The following TMEM184C variants were observed in gnomAD, a reference collection of about 807,000 sequenced individuals.
The protein encoded by TMEM184C is transmembrane protein 34.
A neutral mutation model predicts 54.5 loss-of-function variants in TMEM184C; 25 were observed. The ratio of observed to expected loss-of-function variants is 0.46; its 90% CI spans 0.33 to 0.64. TMEM184C has a LOEUF of 0.64. TMEM184C is among the 30% of genes least tolerant of loss of function. The probability of loss-of-function intolerance (pLI) is 0.02; values close to 1 mark genes in which losing one functional copy is unlikely to be tolerated. For missense variants in TMEM184C, 335 were observed against 520.3 expected, an observed-to-expected ratio of 0.64 and a Z score of 3.46; for synonymous variants, 148 against 181.5, an observed-to-expected ratio of 0.82 and a Z score of 1.49.
Position 147,629,672 on chromosome 4 carries a change from A to G in TMEM184C, c.646A>G (p.Ile216Val), listed in dbSNP as rs779030666. The G allele has an allele frequency of 6.3e-6, 10 of 1,588,070 alleles. No homozygotes were observed. In the East Asian group the frequency reaches 2.3e-4, roughly 37 times the overall value. Residue 216 changes from isoleucine (I) to valine (V), a missense_variant, in exon 6 of 10, where the codon ATA becomes GTA. By Grantham distance (29) the Ile-to-Val change is conservative (BLOSUM62 3). Coordinates refer to ENST00000296582, the MANE Select transcript of TMEM184C (RefSeq NM_018241.3). ...FSNAWTYLVI[I>V]NNMSQLFAMY... is the part of the protein sequence containing the mutation. ...AAATGCTTGGACTTATTTGGTTATAATAAACAACATGTCACAGTTGGTAAG... is the reference window on the plus strand; with the variant it reads ...AAATGCTTGGACTTATTTGGTTATAGTAAACAACATGTCACAGTTGGTAAG...
intron 6 of TMEM184C, 101 bp downstream of exon 6, chr4:147,629,793 T>C (rs1732881499): frequency 3.1e-6 from 2 of 640,896 alleles, no homozygotes; most frequent in Non-Finnish European, 4.8e-6. Flanking sequence ...TGCTTCTTTT[T>C]AATCTTCCTA....
chr4:147,619,917 A>C (rs1732675397), intron 1 of TMEM184C, among the ~76,000 whole-genome samples: 1 of 152,194 alleles, frequency 6.6e-6, no homozygotes, highest in South Asian at 2.1e-4. Context: ...AGTAAAGGCC[A>C]GTATTCCTCA....
intron 1 of TMEM184C, among the ~76,000 whole-genome samples, chr4:147,623,584 G>A (rs181685895): frequency 6.7e-4 from 100 of 149,012 alleles, no homozygotes; most frequent in African/African-American, 2.4e-3. Flanking sequence ...TACTCTTCAA[G>A]GCAAGATTAC....
chr4:147,631,642 T>C, intron 7 of TMEM184C, 137 bp downstream of exon 7: 2 of 663,730 alleles, frequency 3.0e-6, no homozygotes, highest in Admixed American at 3.4e-5. Flanking sequence ...AGTTCATCTT[T>C]TTAGCCCTTC....
intron 7 of TMEM184C, among the ~76,000 whole-genome samples, chr4:147,631,777 A>G (rs542112718): frequency 6.6e-6 from 1 of 152,356 alleles, no homozygotes; most frequent in South Asian, 2.1e-4. Flanking sequence ...CTGTCATATA[A>G]TAGAATACTA....
chr4:147,631,597 A>C, intron 7 of TMEM184C, 92 bp downstream of exon 7: 1 of 868,970 alleles, frequency 1.2e-6, no homozygotes, highest in South Asian at 1.6e-5. Context: ...TTAATGCGGA[A>C]GATAGATTAA....
intron 4 of TMEM184C, among the ~76,000 whole-genome samples, chr4:147,626,450 G>A (rs920145240): frequency 1.3e-5 from 2 of 152,184 alleles, no homozygotes; most frequent in African/African-American, 4.8e-5. Context: ...AATAAATGAG[G>A]AATAAGGTGG....
At chr4:147,621,675 T>C (rs2126547385) in intron 1 of TMEM184C, among the ~76,000 whole-genome samples, 1 of 152,274 alleles carries the variant, frequency 6.6e-6, no homozygotes, top group Non-Finnish European at 1.5e-5. Flanking sequence ...AACCAATAAT[T>C]AAAATTAATG....
intron 6 of TMEM184C, among the ~76,000 whole-genome samples, chr4:147,630,159 G>A (rs1383216467): frequency 6.6e-6 from 1 of 151,964 alleles, no homozygotes; most frequent in African/African-American, 2.4e-5. Flanking sequence ...AATTGAGAAT[G>A]CCAAGTTTAA....
intron 1 of TMEM184C, among the ~76,000 whole-genome samples, chr4:147,620,737 G>C (rs1371815145): frequency 6.6e-6 from 1 of 152,184 alleles, no homozygotes; most frequent in East Asian, 1.9e-4. Context: ...TTTTTTGTTT[G>C]AACAACTGTG....
intron 4 of TMEM184C, among the ~76,000 whole-genome samples, chr4:147,625,587 A>C (rs979382144): frequency 6.6e-6 from 1 of 152,254 alleles, no homozygotes; most frequent in Non-Finnish European, 1.5e-5. Context: ...TTAATTTTGC[A>C]ATATCATAAA....
intron 7 of TMEM184C, among the ~76,000 whole-genome samples, chr4:147,632,154 C>G (rs1362288352): frequency 2.4e-5 from 3 of 125,282 alleles, no homozygotes; most frequent in Non-Finnish European, 3.2e-5. Flanking sequence ...GCCTGGGCAC[C>G]AGAGTGAAAC....
At chr4:147,627,757 TGTG>T (rs1732840387) in intron 4 of TMEM184C, among the ~76,000 whole-genome samples, 1 of 139,708 alleles carries the variant, frequency 7.2e-6, no homozygotes, top group African/African-American at 2.8e-5. Context: ...ATTAGCCAGG[TGTG>T]GTGGTATGCA....
intron 3 of TMEM184C, among the ~76,000 whole-genome samples, chr4:147,624,577 C>G (rs1732775446): frequency 2.6e-5 from 4 of 151,970 alleles, no homozygotes; most frequent in Admixed American, 2.6e-4. Context: ...CATTATTTAC[C>G]CCTCAAACAC....
At chr4:147,619,978 CCT>C (rs1732676306) in intron 1 of TMEM184C, among the ~76,000 whole-genome samples, 2 of 152,218 alleles carry the variant, frequency 1.3e-5, no homozygotes, top group Admixed American at 1.3e-4. Flanking sequence ...ACCTGATCCC[CCT>C]CTGACTTTTT....
rs1732625049 is a variant in TMEM184C, at chr4:147,617,788, C to A, written c.-169C>A. On this transcript the variant is annotated 5_prime_UTR_variant, in exon 1 of 10. Transcript: ENST00000296582. ...GCTACATTTGCAGAAGCAGCAGCAG[C>A]AGAAGACACAGCGCCGGTCCAGGAG... 5 of 834,788 alleles carry A rather than the reference C, an allele frequency of 6.0e-6. No homozygotes were observed. The highest frequency in any genetic ancestry group is 4.2e-5 in the Admixed American group (2 of 48,050). The allele number at this position is 834,788 out of a possible 1,614,324, so 51.7% of individuals were successfully genotyped here.
rs988719969 is a variant in TMEM184C, at chr4:147,636,337, A to G, written c.*1903A>G. On this transcript the variant is annotated 3_prime_UTR_variant, in exon 10 of 10. Transcript: ENST00000296582. Reference sequence around the variant, plus strand: ...AAATCCAAACATACACAGTCAACTAATTTTTGACAAAGACACCAAGAAGAC... The same window carrying G: ...AAATCCAAACATACACAGTCAACTAGTTTTTGACAAAGACACCAAGAAGAC... The G allele has an allele frequency of 2.6e-5, 4 of 152,150 alleles. No homozygotes were observed. Among genetic ancestry groups the G allele is most frequent in the East Asian group, 1.9e-4 (1 of 5,198 alleles). 9.4% of individuals were successfully genotyped at this position (152,150 alleles called of 1,614,324 possible). A position where few individuals can be genotyped will look rare whatever the true frequency, so the allele number is the denominator to read the frequency against.
At chr4:147,634,032 G>A in intron 9 of TMEM184C, 96 bp downstream of exon 9, 1 of 1,521,254 alleles carries the variant, frequency 6.6e-7, no homozygotes, top group Non-Finnish European at 8.8e-7. Context: ...GATGAAAAAA[G>A]ACTTTAAAGC....
intron 7 of TMEM184C, among the ~76,000 whole-genome samples, chr4:147,631,765 C>T (rs1279616427): frequency 2.0e-5 from 3 of 151,966 alleles, no homozygotes; most frequent in African/African-American, 7.3e-5. Context: ...TAAATCATGG[C>T]CCTGTCATAT....
Sources: gnomAD v4.1 joint callset for allele counts (sites outside exome capture counted in the v4.1 genomes callset) on GRCh38, gnomAD v4.1.1 for gene constraint, MANE v1.5 for transcripts, NCBI Gene and HGNC (gene_info 2026-07-23, HGNC 2026-07-21) for gene names.